Variants in FGF13 observed in about 807,000 individuals in gnomAD.
The protein encoded by FGF13 is fibroblast growth factor 13, also known as fibroblast growth factor homologous factor 2.
FGF13 carries 2 observed loss-of-function variants against 19.5 expected under a neutral mutation model. The observed-to-expected ratio is 0.10, with a 90% CI of 0.04 to 0.32. The LOEUF (loss-of-function observed/expected upper bound fraction) is 0.32. Ranked by LOEUF, FGF13 falls within the 10% of genes least tolerant of loss-of-function variation. The probability of loss-of-function intolerance (pLI) is 1.00; values close to 1 mark genes in which losing one functional copy is unlikely to be tolerated. For synonymous variants in FGF13, 72 were observed against 76.9 expected, an observed-to-expected ratio of 0.94 and a Z score of 0.33; for missense variants, 113 against 192.7, an observed-to-expected ratio of 0.59 and a Z score of 2.45.
chrX:138,936,647 C>T (rs1010085093), intron 1 of FGF13, among the ~76,000 whole-genome samples: 1 of 112,194 alleles, frequency 8.9e-6, no homozygotes, highest in Non-Finnish European at 1.9e-5. Context: ...AGAATAAGTT[C>T]TGGCTAACTC....
rs1235500906 is a variant in FGF13, at chrX:138,626,061, T to G, written c.*6789A>C. ...TCAGAGTCTATTTTCTTTCTTTCAT[T>G]TTGTCTACTGATGAGAATAAATTAC... On this transcript the variant is annotated 3_prime_UTR_variant, in exon 5 of 5. Coordinates refer to ENST00000315930, the MANE Select transcript of FGF13 (RefSeq NM_004114.5). The G allele has an allele frequency of 1.8e-5, 2 of 112,098 alleles. No homozygotes were observed. Among genetic ancestry groups the G allele is most frequent in the Non-Finnish European group, 3.8e-5 (2 of 53,243 alleles). 9.2% of individuals were successfully genotyped at this position (112,098 alleles called of 1,213,427 possible).
chrX:138,739,303 G>A (rs1229565629), exon 1 of FGF13: 1 of 1,194,063 alleles, frequency 8.4e-7, no homozygotes. Flanking sequence ...CCAGACAATT[G>A]CTGTCTACAT....
intron 3 of FGF13, among the ~76,000 whole-genome samples, chrX:138,685,096 C>T (rs968267484): frequency 9.0e-6 from 1 of 111,440 alleles, no homozygotes; most frequent in Non-Finnish European, 1.9e-5. Context: ...CGTTTAGCAA[C>T]CACAAGGAGA....
intron 1 of FGF13, among the ~76,000 whole-genome samples, chrX:139,035,020 C>T (rs1016932847): frequency 3.6e-5 from 4 of 111,771 alleles, no homozygotes; most frequent in Non-Finnish European, 5.7e-5. Context: ...AGTAACTAGA[C>T]GCAGTATAAA....
At chrX:138,775,565 T>C (rs1343032598) in intron 3 of FGF13, among the ~76,000 whole-genome samples, 1 of 112,013 alleles carries the variant, frequency 8.9e-6, no homozygotes, top group Admixed American at 9.5e-5. Context: ...ATCTCGTCTC[T>C]CATTTATTCA....
intron 1 of FGF13, among the ~76,000 whole-genome samples, chrX:139,071,886 G>A (rs778312596): frequency 1.9e-5 from 2 of 107,124 alleles, no homozygotes; most frequent in African/African-American, 6.8e-5. Flanking sequence ...CGCAGTGACA[G>A]GCACCTGTAG....
Position 139,170,169 on chromosome X carries a change from C to T in FGF13, c.-113+33247G>A. On this transcript the variant is annotated intron_variant, in intron 1 of 2. Transcript: ENST00000421460. ...GTATAAAAACCATTCCCCCTAAATC[C>T]TTTCAGTCCACCCTCTGTCTTGCCC... 1.8e-5 allele frequency among the ~76,000 whole-genome samples: 2 copies of T among 111,530 alleles called. 1 individual carries two copies. Among genetic ancestry groups the T allele is most frequent in the Middle Eastern group, 9.3e-3 (2 of 215 alleles).
chrX:138,844,325 G>C lies in FGF13; in HGVS notation c.217+13187C>G, dbSNP rs138733817. Reference sequence around the variant, plus strand: ...AGGATAAACAACAAAAGAATAAATTGGTCTTGCCAAAGCCTTAAACTTTAC... The same window carrying C: ...AGGATAAACAACAAAAGAATAAATTCGTCTTGCCAAAGCCTTAAACTTTAC... On this transcript the variant is annotated intron_variant, in intron 3 of 6. Transcript: ENST00000436198. Among the ~76,000 whole-genome samples, 22 of 111,970 alleles carry C rather than the reference G, an allele frequency of 2.0e-4. 1 individual carries two copies. In the East Asian group the frequency reaches 6.2e-3, roughly 32 times the overall value.
intron 1 of FGF13, among the ~76,000 whole-genome samples, chrX:138,958,219 A>G (rs1005544555): frequency 6.3e-5 from 7 of 111,673 alleles, no homozygotes; most frequent in African/African-American, 2.3e-4. Flanking sequence ...TAGTTTATTG[A>G]GAGTTTTTAG....
chrX:139,085,339 TCTC>T (rs1220778511), intron 1 of FGF13, among the ~76,000 whole-genome samples: 1 of 111,850 alleles, frequency 8.9e-6, no homozygotes, highest in Non-Finnish European at 1.9e-5. Flanking sequence ...GCCTCCTGAC[TCTC>T]CTCATCTCTA....
chrX:139,159,584 A>T (rs1450093545), intron 1 of FGF13, among the ~76,000 whole-genome samples: 1 of 106,295 alleles, frequency 9.4e-6, no homozygotes, highest in Non-Finnish European at 1.9e-5. Context: ...CAGGAGACTC[A>T]TCTCACGTGC....
chrX:138,743,887 CA>C (rs2090337137), upstream of FGF13, among the ~76,000 whole-genome samples: 1 of 110,958 alleles, frequency 9.0e-6, no homozygotes, highest in Non-Finnish European at 1.9e-5. Context: ...GGAATACTAT[CA>C]GGGGATTCAA....
At chrX:138,843,493 T>C (rs1282950468) in intron 3 of FGF13, among the ~76,000 whole-genome samples, 1 of 112,205 alleles carries the variant, frequency 8.9e-6, no homozygotes, top group African/African-American at 3.2e-5. Flanking sequence ...GGTAGGTCCA[T>C]GAATGCAGTA....
chrX:138,978,266 G>GTTTTTTTTTTTT (rs10666140), intron 1 of FGF13, among the ~76,000 whole-genome samples: 7 of 82,915 alleles, frequency 8.4e-5, no homozygotes, highest in African/African-American at 2.0e-4. Flanking sequence ...AGCTGCCCTG[G>GTTTTTTTTTTTT]TTTTTTTTTT....
intron 4 of FGF13, 101 bp downstream of exon 4, chrX:138,635,356 T>C: frequency 3.5e-6 from 3 of 858,743 alleles, no homozygotes; most frequent in Non-Finnish European, 5.0e-6. Context: ...AGCTTGTCTA[T>C]GTAACCAAAA....
At chrX:139,000,910 C>T (rs1157393294) in intron 1 of FGF13, among the ~76,000 whole-genome samples, 11 of 111,833 alleles carry the variant, frequency 9.8e-5, no homozygotes, top group Non-Finnish European at 1.9e-4. Flanking sequence ...AAGCTGGAGG[C>T]ATCACACTAC....
In FGF13 at chrX:139,137,985, G is replaced by A. The variant is rs147255228; in HGVS notation, c.-113+65431C>T. Among the ~76,000 whole-genome samples the A allele has an allele frequency of 3.2e-3, 363 of 112,042 alleles. 3 individuals carry two copies. The highest frequency in any genetic ancestry group is 0.023 in the Middle Eastern group (5 of 218). On this transcript the variant is annotated intron_variant, in intron 1 of 2. Coordinates refer to the FGF13 transcript ENST00000421460. The stretch of plus-strand genomic sequence containing the variant: ...GTAATGGTTAAAAAGTGGAATTTCC[G>A]TTGTTCCCATATCCTATGATTGACT...
At chrX:139,021,905 C>T (rs967801478) in intron 1 of FGF13, among the ~76,000 whole-genome samples, 1 of 111,881 alleles carries the variant, frequency 8.9e-6, no homozygotes, top group African/African-American at 3.2e-5. Context: ...GCCACCACAT[C>T]GACTTCACAT....
chrX:138,887,717 C>T (rs955225584), intron 1 of FGF13, among the ~76,000 whole-genome samples: 2 of 111,661 alleles, frequency 1.8e-5, no homozygotes, highest in African/African-American at 6.5e-5. Flanking sequence ...TGTCTGAGTC[C>T]CAACTTATGC....
Sources: allele counts gnomAD v4.1 joint callset (sites outside exome capture counted in the v4.1 genomes callset), GRCh38; gene constraint gnomAD v4.1.1; transcripts MANE v1.5; gene names NCBI Gene and HGNC (gene_info 2026-07-23, HGNC 2026-07-21).